The following LCORL variants were observed in gnomAD, a reference collection of about 807,000 sequenced individuals.
The protein encoded by LCORL is ligand dependent nuclear receptor corepressor like.
In LCORL, 41 loss-of-function variants were observed where a neutral mutation model predicts 141.8. The ratio of observed to expected loss-of-function variants is 0.29; its 90% CI spans 0.23 to 0.38. LCORL has a LOEUF of 0.38. Ranked by LOEUF, LCORL falls within the 10% of genes least tolerant of loss-of-function variation. The pLI, the probability that LCORL is intolerant of heterozygous loss-of-function variation, is 1.00. For missense variants in LCORL, 1,759 were observed against 2,035.0 expected (o/e 0.86, Z 2.61); for synonymous variants, 618 against 694.1 (o/e 0.89, Z 1.72).
At chr4:17,862,757 A>G (rs1725155969) in intron 7 of LCORL, among the ~76,000 whole-genome samples, 2 of 152,214 alleles carry the variant, frequency 1.3e-5, no homozygotes. Flanking sequence ...GTAAAACCTC[A>G]AAGTATAAAA....
chr4:17,884,957 T>C lies in LCORL; in HGVS notation c.776+1111A>G, dbSNP rs972791160. Among the ~76,000 whole-genome samples the C allele has an allele frequency of 1.3e-5, 2 of 151,960 alleles. No homozygotes were observed. Among genetic ancestry groups the C allele is most frequent in the African/African-American group, 4.8e-5 (2 of 41,406 alleles). ...GTAGGACAATGTGACAATGATACGGTGGCCTCAACGGGCAGACCTTCCAAG... is the reference window on the plus strand; with the variant it reads ...GTAGGACAATGTGACAATGATACGGCGGCCTCAACGGGCAGACCTTCCAAG... On this transcript the variant is annotated intron_variant, in intron 6 of 7. Coordinates refer to ENST00000635767, the Ensembl canonical transcript of LCORL. The surrounding 1 kb of genome is among the most constrained non-coding windows in gnomAD (Gnocchi z 4.4).
chr4:17,847,191 C>T (rs527650999), intron 7 of LCORL, among the ~76,000 whole-genome samples: 10 of 152,264 alleles, frequency 6.6e-5, no homozygotes, highest in Admixed American at 6.5e-4. Context: ...TATTCAACAG[C>T]TCTCTAATTC....
chr4:17,873,811 A>C (rs766059285), exon 7 of LCORL: 1 of 1,234,048 alleles, frequency 8.1e-7, no homozygotes, highest in Non-Finnish European at 1.0e-6. Context: ...AATATTCTAC[A>C]GTCTTTTAAG....
At chr4:17,870,937 A>G (rs1726270087) in intron 7 of LCORL, among the ~76,000 whole-genome samples, 1 of 152,182 alleles carries the variant, frequency 6.6e-6, no homozygotes, top group Non-Finnish European at 1.5e-5. Flanking sequence ...ACCAAACAAG[A>G]TATTTGTGAT....
chr4:17,901,866 T>C (rs1730936405), intron 5 of LCORL, among the ~76,000 whole-genome samples: 1 of 151,948 alleles, frequency 6.6e-6, no homozygotes, highest in African/African-American at 2.4e-5. Flanking sequence ...CAAAACAATA[T>C]AGGATATTAT....
intron 1 of LCORL, among the ~76,000 whole-genome samples, chr4:17,981,594 T>C (rs1029626042): frequency 2.0e-5 from 3 of 151,712 alleles, no homozygotes; most frequent in African/African-American, 7.3e-5. Context: ...AAAAATTAGC[T>C]GGGGGTGGTG....
In LCORL at chr4:17,964,102, T is replaced by C. The variant is rs59090191; in HGVS notation, c.221-1053A>G. Among the ~76,000 whole-genome samples, 403 of 152,198 alleles carry C rather than the reference T, an allele frequency of 2.6e-3. 3 individuals carry two copies. The highest frequency in any genetic ancestry group is 9.0e-3 in the African/African-American group (376 of 41,548). On this transcript the variant is annotated intron_variant, in intron 2 of 7. Coordinates refer to ENST00000635767, the Ensembl canonical transcript of LCORL. ...ACTGATCAGAAAAGAAGATAATATGTTGGAATATAAAGAACATAATAACAA... is the reference window on the plus strand; with the variant it reads ...ACTGATCAGAAAAGAAGATAATATGCTGGAATATAAAGAACATAATAACAA...
At chr4:17,940,679 T>G (rs1737809019) in intron 4 of LCORL, among the ~76,000 whole-genome samples, 1 of 151,926 alleles carries the variant, frequency 6.6e-6, no homozygotes, top group South Asian at 2.1e-4. Context: ...ACCACTGTTG[T>G]TTGTTGTCTA....
chr4:17,936,697 T>C (rs987173105), intron 4 of LCORL, among the ~76,000 whole-genome samples: 7 of 152,228 alleles, frequency 4.6e-5, no homozygotes, highest in Non-Finnish European at 1.0e-4. Flanking sequence ...TTAGATATTT[T>C]ATGAGAGGTT....
exon 7 of LCORL, chr4:17,874,268 C>T (rs769485621): frequency 2.7e-4 from 332 of 1,233,692 alleles, no homozygotes; most frequent in Admixed American, 5.9e-4. Context: ...CCACTTTATG[C>T]AGTATATGCA....
At chr4:17,952,484 C>T (rs188211908) in intron 4 of LCORL, among the ~76,000 whole-genome samples, 6 of 148,952 alleles carry the variant, frequency 4.0e-5, no homozygotes, top group Admixed American at 2.0e-4. Context: ...GGCGCGATCT[C>T]GGCTCACTGC....
exon 8 of LCORL, chr4:17,841,598 GA>G (rs1232213927): frequency 6.6e-6 from 1 of 151,854 alleles, no homozygotes; most frequent in Non-Finnish European, 1.5e-5. Context: ...GTTTTGATCA[GA>G]TTTTTTTTGT....
intron 2 of LCORL, among the ~76,000 whole-genome samples, chr4:17,968,767 T>A (rs1437900146): frequency 6.6e-6 from 1 of 152,204 alleles, no homozygotes; most frequent in Non-Finnish European, 1.5e-5. Context: ...AAATTAAATT[T>A]GAATTTCATA....
intron 7 of LCORL, among the ~76,000 whole-genome samples, chr4:17,850,411 C>T (rs1162346779): frequency 6.6e-6 from 1 of 150,538 alleles, no homozygotes; most frequent in Non-Finnish European, 1.5e-5. Flanking sequence ...CCAGAATCTA[C>T]AATGAACTCA....
At chr4:17,954,789 C>T (rs1477690341) in intron 4 of LCORL, among the ~76,000 whole-genome samples, 1 of 152,132 alleles carries the variant, frequency 6.6e-6, no homozygotes, top group African/African-American at 2.4e-5. Context: ...AGGCTCCTGG[C>T]CTTTCAGCTT....
At chr4:17,897,262 C>A (rs994256730) in intron 5 of LCORL, among the ~76,000 whole-genome samples, 1 of 87,514 alleles carries the variant, frequency 1.1e-5, no homozygotes, top group Non-Finnish European at 2.1e-5. Context: ...AGGGTATATA[C>A]CTAGCAATGG....
intron 4 of LCORL, among the ~76,000 whole-genome samples, chr4:17,945,183 C>T (rs1266958962): frequency 1.3e-5 from 2 of 151,928 alleles, no homozygotes; most frequent in Non-Finnish European, 2.9e-5. Context: ...CAGTTAACTA[C>T]ATCACATTAT....
intron 4 of LCORL, among the ~76,000 whole-genome samples, chr4:17,935,339 T>C (rs965821333): frequency 2.6e-5 from 4 of 152,088 alleles, no homozygotes; most frequent in Admixed American, 1.3e-4. Flanking sequence ...TATATTTCCA[T>C]GAAAAAAAAT....
chr4:17,855,850 T>G (rs1057126536), intron 7 of LCORL, among the ~76,000 whole-genome samples: 1 of 152,210 alleles, frequency 6.6e-6, no homozygotes, highest in Non-Finnish European at 1.5e-5. Flanking sequence ...CTCATTTATT[T>G]AAGCTAATAA....
Sources: gnomAD v4.1 joint callset for allele counts (sites outside exome capture counted in the v4.1 genomes callset) on GRCh38, gnomAD v4.1.1 for gene constraint, Gnocchi (gnomAD v3.1) non-coding constraint, MANE v1.5 for transcripts, NCBI Gene and HGNC (gene_info 2026-07-23, HGNC 2026-07-21) for gene names.